GHR: variants seen among roughly 807,000 people sequenced by gnomAD.
GHR encodes the protein growth hormone receptor, also known as GH receptor.
GHR carries 35 observed loss-of-function variants against 67.1 expected under a neutral mutation model. That is an observed-to-expected ratio of 0.52 (90% CI 0.40 to 0.69). The LOEUF (loss-of-function observed/expected upper bound fraction) is 0.69. Ranked by LOEUF, GHR falls within the 30% of genes least tolerant of loss-of-function variation. GHR has a pLI of 0.00. For missense variants in GHR, 792 were observed against 764.6 expected (o/e 1.04, Z -0.42); for synonymous variants, 272 against 269.1 (o/e 1.01, Z -0.10).
At chr5:42,663,066 G>C (rs981353514) in intron 3 of GHR, among the ~76,000 whole-genome samples, 12 of 152,276 alleles carry the variant, frequency 7.9e-5, no homozygotes, top group African/African-American at 2.9e-4. Flanking sequence ...TCTCTGAATA[G>C]ACCAATAACA....
At chr5:42,683,998 T>A (rs897907172) in intron 3 of GHR, among the ~76,000 whole-genome samples, 13 of 152,196 alleles carry the variant, frequency 8.5e-5, no homozygotes, top group Admixed American at 2.6e-4. Context: ...CAAAGTTTTT[T>A]ATTTCTTTCT....
At chr5:42,569,663 A>C (rs988536346) in intron 2 of GHR, among the ~76,000 whole-genome samples, 2 of 152,082 alleles carry the variant, frequency 1.3e-5, no homozygotes, top group Non-Finnish European at 2.9e-5. Context: ...TAATATTGAT[A>C]TATAATATTT....
chr5:42,528,718 A>G (rs1747817965), intron 1 of GHR, among the ~76,000 whole-genome samples: 2 of 152,218 alleles, frequency 1.3e-5, no homozygotes, highest in Non-Finnish European at 1.5e-5. Context: ...CATGCTACAC[A>G]GAAATCTTTT....
At chr5:42,618,408 A>T (rs1303160079) in intron 2 of GHR, among the ~76,000 whole-genome samples, 2 of 152,274 alleles carry the variant, frequency 1.3e-5, no homozygotes, top group East Asian at 1.9e-4. Context: ...TTCTGCTAAG[A>T]CTGCTAATTA....
At chr5:42,479,780 T>A (rs1387641779) in intron 1 of GHR, among the ~76,000 whole-genome samples, 1 of 152,200 alleles carries the variant, frequency 6.6e-6, no homozygotes, top group African/African-American at 2.4e-5. Context: ...CTCTCTTTTC[T>A]TCTTTATTAG....
chr5:42,529,114 C>G (rs1747840888), intron 1 of GHR, among the ~76,000 whole-genome samples: 1 of 151,684 alleles, frequency 6.6e-6, no homozygotes, highest in Non-Finnish European at 1.5e-5. Flanking sequence ...CGGGTTCACG[C>G]CATTCTCCTG....
chr5:42,613,502 CT>C (rs1303646676), intron 2 of GHR, among the ~76,000 whole-genome samples: 2 of 152,054 alleles, frequency 1.3e-5, no homozygotes, highest in Non-Finnish European at 2.9e-5. Context: ...AGTATTTTCC[CT>C]GATAATCCTC....
chr5:42,447,310 C>G (rs1743846702), intron 1 of GHR, among the ~76,000 whole-genome samples: 1 of 152,086 alleles, frequency 6.6e-6, no homozygotes, highest in Non-Finnish European at 1.5e-5. Flanking sequence ...ACCCTTCTCC[C>G]TGAGTTGCCA....
chr5:42,431,633 G>C (rs1743099399), intron 1 of GHR, among the ~76,000 whole-genome samples: 1 of 152,134 alleles, frequency 6.6e-6, no homozygotes, highest in African/African-American at 2.4e-5. Context: ...GTTTTGATTA[G>C]GGCTTTCTTC....
chr5:42,593,672 T>C (rs1421751833), intron 2 of GHR, among the ~76,000 whole-genome samples: 1 of 152,208 alleles, frequency 6.6e-6, no homozygotes. Flanking sequence ...AGTGAGGCCC[T>C]GAGAGATCAT....
At chr5:42,439,379 C>T (rs976835251) in intron 1 of GHR, among the ~76,000 whole-genome samples, 1 of 152,170 alleles carries the variant, frequency 6.6e-6, no homozygotes, top group African/African-American at 2.4e-5. Flanking sequence ...TGAATTTTAA[C>T]CTCTTCCCTA....
At position 42,577,114 on chromosome 5, in the gene GHR, G is replaced by A. The variant is rs1211780855; in HGVS notation, c.70+11170G>A. Reference sequence around the variant, plus strand: ...GGTTAGGCAAGACTAGAGTTAAAACGTGGGTGTGCAGGGCTGACCTGCCAG... The same window carrying A: ...GGTTAGGCAAGACTAGAGTTAAAACATGGGTGTGCAGGGCTGACCTGCCAG... On this transcript the variant is annotated intron_variant, in intron 2 of 9. Transcript: ENST00000230882. Among the ~76,000 whole-genome samples the A allele has an allele frequency of 2.6e-5, 4 of 152,192 alleles. No homozygotes were observed. In the East Asian group the frequency reaches 5.8e-4, roughly 22 times the overall value.
At chr5:42,509,400 A>G (rs1384245420) in intron 1 of GHR, among the ~76,000 whole-genome samples, 2 of 152,188 alleles carry the variant, frequency 1.3e-5, no homozygotes, top group African/African-American at 4.8e-5. Context: ...ATTACTTCTC[A>G]TACCCTAACT....
At chr5:42,529,079 T>C (rs529012524) in intron 1 of GHR, among the ~76,000 whole-genome samples, 180 of 151,984 alleles carry the variant, frequency 1.2e-3, no homozygotes, top group African/African-American at 3.9e-3. Context: ...TGGTGCAATC[T>C]TGGCTCACTG....
rs372080883 is a variant in GHR, at chr5:42,494,203, T to C, written c.-12+70248T>C. Among the ~76,000 whole-genome samples the C allele has an allele frequency of 1.5e-4, 23 of 152,278 alleles. No homozygotes were observed. The East Asian group carries it at 4.2e-3, about 28-fold the overall frequency. On this transcript the variant is annotated intron_variant, in intron 1 of 9. Coordinates refer to ENST00000230882, the MANE Select transcript of GHR (RefSeq NM_000163.5). ...AACACCAGCTCCAAGATTGGATTTT[T>C]AGGCTTTCTTTCTAGTGTAACACTT...
intron 1 of GHR, among the ~76,000 whole-genome samples, chr5:42,512,314 C>T (rs1302565913): frequency 6.6e-6 from 1 of 151,798 alleles, no homozygotes; most frequent in Non-Finnish European, 1.5e-5. Context: ...CAAAGAAGTA[C>T]AGATTTCTGA....
chr5:42,625,497 C>G (rs750583794), intron 2 of GHR, among the ~76,000 whole-genome samples: 2 of 152,002 alleles, frequency 1.3e-5, no homozygotes, highest in Non-Finnish European at 2.9e-5. Flanking sequence ...TGAACATGGC[C>G]TGTGACATAG....
chr5:42,469,356 GTATAAT>G (rs1744895009), intron 1 of GHR, among the ~76,000 whole-genome samples: 2 of 152,222 alleles, frequency 1.3e-5, no homozygotes, highest in Admixed American at 1.3e-4. Flanking sequence ...ACAAGAGACA[GTATAAT>G]TATTCACAAT....
chr5:42,623,634 T>A (rs1263069570), intron 2 of GHR, among the ~76,000 whole-genome samples: 1 of 152,178 alleles, frequency 6.6e-6, no homozygotes, highest in Non-Finnish European at 1.5e-5. Flanking sequence ...AGGAAGTTTC[T>A]CCAAATTTGT....
Sources: allele counts gnomAD v4.1 joint callset (sites outside exome capture counted in the v4.1 genomes callset), GRCh38; gene constraint gnomAD v4.1.1; transcripts MANE v1.5; gene names NCBI Gene and HGNC (gene_info 2026-07-23, HGNC 2026-07-21).